Variants in PTPRD observed in about 807,000 individuals in gnomAD.
PTPRD encodes protein tyrosine phosphatase receptor type D, also known as receptor-type tyrosine-protein phosphatase delta.
A neutral mutation model predicts 214.5 loss-of-function variants in PTPRD; 34 were observed. The observed-to-expected ratio is 0.16, with a 90% CI of 0.12 to 0.21. The LOEUF (loss-of-function observed/expected upper bound fraction) is 0.21. Ranked by LOEUF, PTPRD falls within the 10% of genes least tolerant of loss-of-function variation. The pLI is 1.00. For missense variants in PTPRD, 2,545 were observed against 2,398.7 expected (o/e 1.06, Z -1.27); for synonymous variants, 1,128 against 845.7 (o/e 1.33, Z -5.79).
intron 11 of PTPRD, among the ~76,000 whole-genome samples, chr9:8,839,960 T>C (rs1388313666): frequency 2.0e-5 from 3 of 152,210 alleles, no homozygotes; most frequent in African/African-American, 7.2e-5. Flanking sequence ...TCACAAAAAT[T>C]ACTCGAGTTA....
At chr9:8,559,229 G>A (rs1365520148) in intron 14 of PTPRD, among the ~76,000 whole-genome samples, 3 of 152,132 alleles carry the variant, frequency 2.0e-5, no homozygotes, top group Non-Finnish European at 4.4e-5. Flanking sequence ...GTAATTCGTT[G>A]TTTATTTCAA....
intron 3 of PTPRD, among the ~76,000 whole-genome samples, chr9:10,334,938 T>A (rs982643209): frequency 2.6e-4 from 40 of 151,542 alleles, no homozygotes; most frequent in African/African-American, 9.7e-4. Context: ...ATGAAAGAAA[T>A]TAAAAATCTA....
chr9:9,186,859 A>C (rs2131637915), intron 9 of PTPRD, among the ~76,000 whole-genome samples: 1 of 152,114 alleles, frequency 6.6e-6, no homozygotes, highest in Admixed American at 6.6e-5. Context: ...AACTGGAATT[A>C]TCTAGATGAT....
chr9:10,088,104 T>C (rs1281358378), intron 3 of PTPRD, among the ~76,000 whole-genome samples: 1 of 151,788 alleles, frequency 6.6e-6, no homozygotes, highest in African/African-American at 2.4e-5. Context: ...CTAATATTTA[T>C]TGTCTAGTTT....
intron 12 of PTPRD, among the ~76,000 whole-genome samples, chr9:8,694,921 T>C (rs553529981): frequency 6.6e-6 from 1 of 152,272 alleles, no homozygotes; most frequent in East Asian, 1.9e-4. Context: ...AACAAACATA[T>C]CCGTCAAAAT....
At position 9,030,970 on chromosome 9, in the gene PTPRD, G is replaced by T. The variant is rs191198596; in HGVS notation, c.-142-12235C>A. 7.3e-4 allele frequency among the ~76,000 whole-genome samples: 111 copies of T among 152,060 alleles called. 1 individual carries two copies. The highest frequency in any genetic ancestry group is 2.5e-3 in the African/African-American group (103 of 41,530). ...TCTCTCAGTGGAATGAAGAATGTAA[G>T]GAACAGGTAGATGGCTGAGTCTGAT... is the stretch of plus-strand genomic sequence containing the variant. On this transcript the variant is annotated intron_variant, in intron 10 of 45. Transcript: ENST00000381196.
chr9:9,015,127 CA>C (rs1243289965), intron 11 of PTPRD, among the ~76,000 whole-genome samples: 1 of 144,654 alleles, frequency 6.9e-6, no homozygotes, highest in Non-Finnish European at 1.6e-5. Context: ...AAAAATTAAA[CA>C]ATCAATCAAT....
intron 45 of PTPRD, among the ~76,000 whole-genome samples, chr9:8,319,344 GC>G (rs1563867522): frequency 6.6e-6 from 1 of 151,940 alleles, no homozygotes; most frequent in Non-Finnish European, 1.5e-5. Flanking sequence ...GAAATGAGGG[GC>G]TAATATTAAT....
chr9:9,460,617 C>T (rs960105718), intron 8 of PTPRD, among the ~76,000 whole-genome samples: 1 of 151,938 alleles, frequency 6.6e-6, no homozygotes, highest in African/African-American at 2.4e-5. Context: ...ATTAAAACCA[C>T]AATAAGATAC....
At chr9:9,220,731 A>T (rs1461528171) in intron 9 of PTPRD, among the ~76,000 whole-genome samples, 1 of 152,114 alleles carries the variant, frequency 6.6e-6, no homozygotes, top group Non-Finnish European at 1.5e-5. Context: ...TAATTTGACT[A>T]TATGTAGGAA....
At chr9:9,971,950 AG>A (rs1245836258) in intron 4 of PTPRD, among the ~76,000 whole-genome samples, 1 of 152,194 alleles carries the variant, frequency 6.6e-6, no homozygotes, top group Non-Finnish European at 1.5e-5. Context: ...CTTCAGCTTT[AG>A]TGACAAAATT....
At chr9:9,518,372 T>C (rs758559824) in intron 8 of PTPRD, among the ~76,000 whole-genome samples, 1 of 152,202 alleles carries the variant, frequency 6.6e-6, no homozygotes, top group Non-Finnish European at 1.5e-5. Flanking sequence ...GAAAATATAG[T>C]AGCATTGTCA....
At chr9:9,718,359 G>A (rs1055430100) in intron 7 of PTPRD, among the ~76,000 whole-genome samples, 7 of 152,190 alleles carry the variant, frequency 4.6e-5, no homozygotes, top group African/African-American at 1.7e-4. Flanking sequence ...AGCCCATCTA[G>A]AGTGGCCGCT....
intron 7 of PTPRD, among the ~76,000 whole-genome samples, chr9:9,609,582 C>T (rs779936816): frequency 6.6e-6 from 1 of 152,182 alleles, no homozygotes; most frequent in Non-Finnish European, 1.5e-5. Flanking sequence ...CGTGCCTCAG[C>T]CTCCCGAGTA....
intron 3 of PTPRD, among the ~76,000 whole-genome samples, chr9:10,079,864 T>G (rs540001488): frequency 1.3e-5 from 2 of 152,198 alleles, no homozygotes; most frequent in East Asian, 3.9e-4. Flanking sequence ...TAGTTAGATG[T>G]TTGCTATGAA....
intron 2 of PTPRD, among the ~76,000 whole-genome samples, chr9:10,368,485 A>G (rs1013808030): frequency 3.3e-5 from 5 of 152,128 alleles, no homozygotes; most frequent in Non-Finnish European, 7.4e-5. Context: ...AATACATTCA[A>G]TGCAATGGGT....
chr9:10,410,713 T>C (rs2098425465), intron 2 of PTPRD, among the ~76,000 whole-genome samples: 2 of 151,774 alleles, frequency 1.3e-5, no homozygotes. Flanking sequence ...TATCTTTAAA[T>C]AAAACCATTT....
At chr9:9,604,672 C>T (rs542188547) in intron 7 of PTPRD, among the ~76,000 whole-genome samples, 172 of 152,014 alleles carry the variant, frequency 1.1e-3, no homozygotes, top group African/African-American at 4.0e-3. Context: ...TTACATAGCT[C>T]GTTATGATTA....
intron 2 of PTPRD, among the ~76,000 whole-genome samples, chr9:10,375,445 T>C (rs1394366915): frequency 6.6e-6 from 1 of 152,032 alleles, no homozygotes; most frequent in East Asian, 1.9e-4. Flanking sequence ...ACTACCTAAT[T>C]GTCATTTCAG....
Sources: gnomAD v4.1 joint callset for allele counts (sites outside exome capture counted in the v4.1 genomes callset) on GRCh38, gnomAD v4.1.1 for gene constraint, MANE v1.5 for transcripts, NCBI Gene and HGNC (gene_info 2026-07-23, HGNC 2026-07-21) for gene names.